THOC3: variants seen among roughly 807,000 people sequenced by gnomAD.
THOC3 encodes the protein TEX1 homolog.
A neutral mutation model predicts 23.3 loss-of-function variants in THOC3; 4 were observed. That is an observed-to-expected ratio of 0.17 (90% CI 0.08 to 0.39). The LOEUF (loss-of-function observed/expected upper bound fraction) is 0.39. THOC3 is among the 10% of genes least tolerant of loss of function. THOC3 has a pLI of 1.00. For synonymous variants in THOC3, 27 were observed against 141.5 expected, an observed-to-expected ratio of 0.19 and a Z score of 5.74; for missense variants, 64 against 359.4, an observed-to-expected ratio of 0.18 and a Z score of 6.65.
intron 3 of THOC3, among the ~76,000 whole-genome samples, chr5:175,961,684 A>G (rs1338790275): frequency 3.3e-5 from 5 of 152,202 alleles, no homozygotes; most frequent in Admixed American, 3.3e-4. Context: ...TTAAAGAAAA[A>G]GAAAATTAGA....
intron 2 of THOC3, among the ~76,000 whole-genome samples, chr5:175,965,802 C>T (rs544683222): frequency 3.1e-4 from 47 of 152,318 alleles, no homozygotes; most frequent in Middle Eastern, 3.4e-3. Context: ...TCCAGCCATT[C>T]GCATGCCAAC....
intron 2 of THOC3, among the ~76,000 whole-genome samples, chr5:175,965,983 G>C (rs1247624810): frequency 2.0e-5 from 3 of 152,372 alleles, no homozygotes; most frequent in African/African-American, 7.2e-5. Context: ...CTTGAGTCCA[G>C]GAGTTCAAGA....
At chr5:175,962,521 CTTT>C (rs151187689) in intron 3 of THOC3, among the ~76,000 whole-genome samples, 7 of 109,498 alleles carry the variant, frequency 6.4e-5, no homozygotes, top group Admixed American at 9.1e-5. Flanking sequence ...TGTAAGGCTC[CTTT>C]TTTTTTTTTT....
rs768610677 is a variant in THOC3 at position 175,968,130 on chromosome 5, C to T, written c.79G>A (p.Val27Met). 5 of 1,606,202 alleles carry T rather than the reference C, an allele frequency of 3.1e-6. No homozygotes were observed. In the Admixed American group the frequency reaches 8.4e-5, roughly 27 times the overall value. The stretch of plus-strand genomic sequence containing the variant: ...ACGTAGCGCGACGGGCCGCTGCTCA[C>T]TGAGCACCACGGGGCCATCGAGCCG... ...GPGSMAPWCS[V>M]SSGPSRYVLG... is the part of the protein sequence containing the mutation. The change falls in exon 1 of 6, where the codon GTG becomes ATG. Residue 27 changes from valine to methionine, a missense_variant. Physicochemically the swap from Val to Met is conservative, Grantham distance 21. Coordinates refer to ENST00000265097, the MANE Select transcript of THOC3 (RefSeq NM_032361.4).
At chr5:175,963,240 C>T (rs1395174931) in intron 3 of THOC3, among the ~76,000 whole-genome samples, 5 of 152,336 alleles carry the variant, frequency 3.3e-5, no homozygotes, top group Non-Finnish European at 5.9e-5. Flanking sequence ...CAGTCCAACA[C>T]ATAAACAGCA....
intron 3 of THOC3, among the ~76,000 whole-genome samples, chr5:175,962,428 A>ACG (rs1756679420): frequency 1.4e-5 from 1 of 71,524 alleles, no homozygotes; most frequent in Non-Finnish European, 2.7e-5. Context: ...ATATACACAC[A>ACG]CACACACACA....
intron 3 of THOC3, among the ~76,000 whole-genome samples, chr5:175,961,986 A>C (rs1427581472): frequency 6.7e-6 from 1 of 149,464 alleles, no homozygotes; most frequent in Non-Finnish European, 1.5e-5. Flanking sequence ...GAGACTTATA[A>C]GGACTGGTGC....
chr5:175,962,591 C>G (rs1367700713), intron 3 of THOC3, among the ~76,000 whole-genome samples: 2 of 145,886 alleles, frequency 1.4e-5, no homozygotes, highest in African/African-American at 5.2e-5. Context: ...GTGGTGCAAT[C>G]TAAACTTACT....
rs1003744992 is a variant in THOC3, at chr5:175,962,835, A to G, written c.630-1401T>C. On this transcript the variant is annotated intron_variant, in intron 3 of 5. Coordinates refer to ENST00000265097, the MANE Select transcript of THOC3 (RefSeq NM_032361.4). ...CAGCCAGAATGTTAAGGCTTCTTGGAGAATGTTCTGATTAAAGGTCTGGGG... is the reference window on the plus strand; with the variant it reads ...CAGCCAGAATGTTAAGGCTTCTTGGGGAATGTTCTGATTAAAGGTCTGGGG... Among the ~76,000 whole-genome samples, 14 of 149,946 alleles carry G rather than the reference A, an allele frequency of 9.3e-5. No individual in the cohort carries two copies. In the South Asian group the frequency reaches 2.4e-3, roughly 25 times the overall value.
intron 3 of THOC3, among the ~76,000 whole-genome samples, chr5:175,961,691 T>C (rs1756662100): frequency 6.6e-6 from 1 of 151,830 alleles, no homozygotes; most frequent in Non-Finnish European, 1.5e-5. Context: ...AAAAGAAAAT[T>C]AGATTATTGG....
chr5:175,963,578 AAG>A (rs1756707000), intron 3 of THOC3, among the ~76,000 whole-genome samples: 1 of 146,920 alleles, frequency 6.8e-6, no homozygotes, highest in Non-Finnish European at 1.5e-5. Context: ...TTAAGCCTAT[AAG>A]AGTTCATTAA....
At position 175,968,051 on chromosome 5, in the gene THOC3, G is replaced by T. The variant is rs201272476; in HGVS notation, c.158C>A (p.Ala53Glu). 6.2e-7 allele frequency: 1 copy of T among 1,611,524 alleles called. No homozygotes were observed. ...RGHSKTREFL[A>E]HSAKVHSVAW... ...CACCGAGTGCACCTTGGCGCTGTGC[G>T]CCAGGAACTCGCGCGTCTTGCTGTG... The change falls in exon 1 of 6, where the codon GCG becomes GAG. Residue 53 changes from alanine to glutamate, a missense_variant. Coordinates refer to ENST00000265097, the MANE Select transcript of THOC3 (RefSeq NM_032361.4).
intron 3 of THOC3, among the ~76,000 whole-genome samples, chr5:175,963,432 T>C (rs1756704443): frequency 6.6e-6 from 1 of 151,942 alleles, no homozygotes; most frequent in Non-Finnish European, 1.5e-5. Flanking sequence ...GTAGATAAAC[T>C]ATGAAGAAAC....
Position 175,962,423 on chromosome 5 carries a change from C to T in THOC3, c.630-989G>A, listed in dbSNP as rs923727225. On this transcript the variant is annotated intron_variant, in intron 3 of 5. Coordinates refer to ENST00000265097, the MANE Select transcript of THOC3 (RefSeq NM_032361.4). ...TTATCTTTAAATATATATATATATA[C>T]ACACACACACACACACACACGTAAT... 2.9e-3 allele frequency among the ~76,000 whole-genome samples: 179 copies of T among 60,794 alleles called. 18 individuals carry two copies. Among genetic ancestry groups the T allele is most frequent in the African/African-American group, 0.014 (150 of 10,362 alleles). The allele number at this position is 60,794 out of a possible 152,430, so 39.9% of individuals were successfully genotyped here.
At chr5:175,963,113 G>C (rs2113053162) in intron 3 of THOC3, among the ~76,000 whole-genome samples, 1 of 152,234 alleles carries the variant, frequency 6.6e-6, no homozygotes, top group South Asian at 2.1e-4. Context: ...TTTGGAGGTA[G>C]CAGGAAACAA....
chr5:175,965,906 T>C (rs1199825044), intron 2 of THOC3, among the ~76,000 whole-genome samples: 1 of 152,272 alleles, frequency 6.6e-6, no homozygotes. Context: ...TAAATAAATT[T>C]AGCAGCCAGC....
intron 2 of THOC3, among the ~76,000 whole-genome samples, chr5:175,965,848 T>C (rs1382705334): frequency 1.3e-5 from 2 of 152,246 alleles, no homozygotes; most frequent in Non-Finnish European, 2.9e-5. Context: ...AACACTATAC[T>C]TTTCTTTATT....
At chr5:175,963,317 A>G (rs1411536933) in intron 3 of THOC3, among the ~76,000 whole-genome samples, 1 of 152,302 alleles carries the variant, frequency 6.6e-6, no homozygotes, top group Non-Finnish European at 1.5e-5. Flanking sequence ...TTCAACAGCT[A>G]CGTTTTCGGA....
chr5:175,963,326 GA>G (rs1290463919), intron 3 of THOC3, among the ~76,000 whole-genome samples: 1 of 152,094 alleles, frequency 6.6e-6, no homozygotes, highest in Non-Finnish European at 1.5e-5. Context: ...TACGTTTTCG[GA>G]AGTTTCTTTT....
Sources: allele counts gnomAD v4.1 joint callset (sites outside exome capture counted in the v4.1 genomes callset), GRCh38; gene constraint gnomAD v4.1.1; transcripts MANE v1.5; gene names NCBI Gene and HGNC (gene_info 2026-07-23, HGNC 2026-07-21).